CLASP1: variants seen among roughly 807,000 people sequenced by gnomAD.
CLASP1 encodes CLIP-associating protein 1.
In CLASP1, 38 loss-of-function variants were observed where a neutral mutation model predicts 192.3. The ratio of observed to expected loss-of-function variants is 0.20; its 90% confidence interval spans 0.15 to 0.26. The LOEUF is 0.26. Among genes scored for constraint, CLASP1 ranks in the 10% least tolerant of loss-of-function variants. The pLI, the probability that CLASP1 is intolerant of heterozygous loss-of-function variation, is 1.00. For synonymous variants in CLASP1, 691 were observed against 712.8 expected (o/e 0.97, Z 0.49); for missense variants, 1,433 against 1,932.5 (o/e 0.74, Z 4.85).
intron 2 of CLASP1, among the ~76,000 whole-genome samples, chr2:121,548,350 G>C (rs1237006602): frequency 6.6e-6 from 1 of 152,146 alleles, no homozygotes; most frequent in Non-Finnish European, 1.5e-5. Flanking sequence ...TGAAATAAGA[G>C]TCAGACAAAA....
At chr2:121,459,851 T>G in intron 12 of CLASP1, 129 bp downstream of exon 12, 1 of 730,264 alleles carries the variant, frequency 1.4e-6, no homozygotes. Flanking sequence ...AAGTGTTAAC[T>G]GGAATGGGTC....
At chr2:121,364,427 C>G (rs533590260) in intron 36 of CLASP1, 38 of 152,778 alleles carry the variant, frequency 2.5e-4, no homozygotes, top group Non-Finnish European at 4.2e-4. Flanking sequence ...ACCAGCTCCA[C>G]AGGTGGGAGA....
chr2:121,393,792 T>G (rs1230493057), intron 30 of CLASP1, among the ~76,000 whole-genome samples: 1 of 151,338 alleles, frequency 6.6e-6, no homozygotes, highest in African/African-American at 2.4e-5. Flanking sequence ...TCTATTTGAA[T>G]CAAAAGTAAT....
chr2:121,583,607 T>C (rs561969334), intron 2 of CLASP1, among the ~76,000 whole-genome samples: 2 of 152,264 alleles, frequency 1.3e-5, no homozygotes, highest in African/African-American at 4.8e-5. Context: ...TCAAGCAAAA[T>C]CATCTCCCTT....
At chr2:121,610,512 A>AGAG (rs1440192564) in intron 1 of CLASP1, among the ~76,000 whole-genome samples, 4 of 113,614 alleles carry the variant, frequency 3.5e-5, no homozygotes, top group Non-Finnish European at 7.4e-5. Context: ...AAGAGGAACT[A>AGAG]GAGGAGGAGG....
intron 14 of CLASP1, among the ~76,000 whole-genome samples, chr2:121,453,216 G>C (rs2085899722): frequency 2.0e-5 from 3 of 152,128 alleles, no homozygotes; most frequent in Admixed American, 1.3e-4. Context: ...GATTGCTTGG[G>C]CCCAGAAGTT....
rs148478717 is a variant in CLASP1, at chr2:121,342,370, G to A, written c.4531-1423C>T. ...TGGGCTCAAGCAATCCTCCTGCCTC[G>A]GCCTCCCAAAGTGCTGGGATTACTA... is the stretch of plus-strand genomic sequence containing the variant. On this transcript the variant is annotated intron_variant, in intron 39 of 39. Transcript: ENST00000263710. Among the ~76,000 whole-genome samples, 42 of 152,148 alleles carry A rather than the reference G, an allele frequency of 2.8e-4. 3 individuals carry two copies. In the East Asian group the frequency reaches 8.1e-3, roughly 29 times the overall value.
chr2:121,617,740 C>T (rs567510340), intron 1 of CLASP1, among the ~76,000 whole-genome samples: 83 of 152,316 alleles, frequency 5.4e-4, no homozygotes, highest in Non-Finnish European at 1.0e-3. Context: ...CTCATCTCTA[C>T]CCACCTTCCA....
In CLASP1 at chr2:121,521,408, G is replaced by A. The variant is rs151302107; in HGVS notation, c.546+4437C>T. ...CTCCTCTCTGCCAGGCCAACCGTGC[G>A]TGTGGTACCGGTGCTGTGCCTGTGC... On this transcript the variant is annotated intron_variant, in intron 6 of 39. Transcript: ENST00000263710. 1.2e-4 allele frequency among the ~76,000 whole-genome samples: 19 copies of A among 152,268 alleles called. No homozygotes were observed. In the South Asian group the frequency reaches 3.3e-3, roughly 27 times the overall value.
At chr2:121,480,740 A>G (rs1368397120) in intron 8 of CLASP1, among the ~76,000 whole-genome samples, 1 of 152,168 alleles carries the variant, frequency 6.6e-6, no homozygotes, top group East Asian at 1.9e-4. Context: ...CCCCACTCTC[A>G]GAGTGATGAC....
chr2:121,518,080 A>G (rs2094360049), intron 6 of CLASP1, among the ~76,000 whole-genome samples: 1 of 149,426 alleles, frequency 6.7e-6, no homozygotes, highest in East Asian at 2.0e-4. Context: ...AAAATACAAA[A>G]ATCAGCTGGG....
In CLASP1 at chr2:121,433,746, ACT is replaced by A. The variant is rs143392820; in HGVS notation, c.1913-3571_1913-3570del. 9.0e-3 allele frequency among the ~76,000 whole-genome samples: 1,376 copies of A among 152,294 alleles called. 17 individuals are homozygous for A. Among genetic ancestry groups the A allele is most frequent in the African/African-American group, 0.032 (1,318 of 41,560 alleles). ...ACTCCAGCCTAGGCGACAAAGTGAG[ACT>A]CTGTCTCAAAAAGAAAAGAAGAAAA... On this transcript the variant is annotated intron_variant, in intron 19 of 39. Transcript: ENST00000263710.
intron 1 of CLASP1, among the ~76,000 whole-genome samples, chr2:121,647,352 G>A (rs902503621): frequency 8.5e-5 from 13 of 152,130 alleles, no homozygotes; most frequent in Non-Finnish European, 1.5e-4. Flanking sequence ...TGGGCGACAA[G>A]AGTGAAACTC....
At chr2:121,442,061 T>C (rs1160425665) in intron 19 of CLASP1, among the ~76,000 whole-genome samples, 1 of 152,232 alleles carries the variant, frequency 6.6e-6, no homozygotes, top group Non-Finnish European at 1.5e-5. Flanking sequence ...ACAATGGTTG[T>C]CAGCCCCACA....
At chr2:121,365,702 T>C (rs961071811) in intron 35 of CLASP1, among the ~76,000 whole-genome samples, 8 of 152,210 alleles carry the variant, frequency 5.3e-5, no homozygotes, top group African/African-American at 1.9e-4. Context: ...GGGTCAAATC[T>C]ACTCTCATAC....
chr2:121,352,799 G>T (rs1362332392), intron 37 of CLASP1, among the ~76,000 whole-genome samples: 2 of 152,036 alleles, frequency 1.3e-5, no homozygotes, highest in African/African-American at 4.8e-5. Context: ...GATTACAGGT[G>T]CGTGCCACCA....
At chr2:121,511,909 T>C (rs1036838010) in intron 7 of CLASP1, among the ~76,000 whole-genome samples, 2 of 152,234 alleles carry the variant, frequency 1.3e-5, no homozygotes, top group Non-Finnish European at 2.9e-5. Flanking sequence ...TGCTTTCACC[T>C]TGGGTTCTCT....
intron 8 of CLASP1, among the ~76,000 whole-genome samples, chr2:121,471,467 A>C (rs2090719858): frequency 6.6e-6 from 1 of 152,130 alleles, no homozygotes; most frequent in African/African-American, 2.4e-5. Context: ...TGATTTCTGA[A>C]ATGGGCATTA....
chr2:121,570,816 A>T (rs576118784), intron 2 of CLASP1, among the ~76,000 whole-genome samples: 1 of 152,212 alleles, frequency 6.6e-6, no homozygotes, highest in South Asian at 2.1e-4. Context: ...TCCAACTAAA[A>T]CTCATTTTCT....
Sources: allele counts gnomAD v4.1 joint callset (sites outside exome capture counted in the v4.1 genomes callset), GRCh38; gene constraint gnomAD v4.1.1; transcripts MANE v1.5; gene names NCBI Gene and HGNC (gene_info 2026-07-23, HGNC 2026-07-21).